The following DGKI variants were observed in gnomAD, a reference collection of about 807,000 sequenced individuals.
DGKI encodes DAG kinase iota.
Under a neutral mutation model 147.5 loss-of-function variants are expected in DGKI, and 55 were observed. That is an observed-to-expected ratio of 0.37 (90% CI 0.30 to 0.47). The LOEUF (loss-of-function observed/expected upper bound fraction) is 0.47, where lower values mean the gene tolerates loss of function less well. Among genes scored for constraint, DGKI ranks in the 20% least tolerant of loss-of-function variants. The pLI, the probability that DGKI is intolerant of heterozygous loss-of-function variation, is 1.00. For missense variants in DGKI, 1,007 were observed against 1,323.8 expected, an observed-to-expected ratio of 0.76 and a Z score of 3.71; for synonymous variants, 469 against 477.1, an observed-to-expected ratio of 0.98 and a Z score of 0.22.
At chr7:137,526,410 G>A (rs943874419) in intron 20 of DGKI, among the ~76,000 whole-genome samples, 6 of 141,074 alleles carry the variant, frequency 4.3e-5, no homozygotes, top group African/African-American at 1.3e-4. Flanking sequence ...TCACTAAGCC[G>A]ACAGGTTTAG....
intron 7 of DGKI, among the ~76,000 whole-genome samples, chr7:137,621,805 G>T (rs1820757424): frequency 6.6e-6 from 1 of 152,172 alleles, no homozygotes; most frequent in South Asian, 2.1e-4. Context: ...ATTGAATCTG[G>T]ATAGACCATC....
chr7:137,534,764 A>G (rs1350570185), intron 20 of DGKI, among the ~76,000 whole-genome samples: 2 of 152,154 alleles, frequency 1.3e-5, no homozygotes, highest in African/African-American at 4.8e-5. Flanking sequence ...TTTATCCAGT[A>G]TGATGCTGTT....
chr7:137,667,809 T>G (rs528299531), intron 3 of DGKI, among the ~76,000 whole-genome samples: 1 of 152,216 alleles, frequency 6.6e-6, no homozygotes, highest in East Asian at 1.9e-4. Context: ...AGTCATTGTT[T>G]ACTCAACACT....
chr7:137,564,864 C>A (rs1028861060), intron 19 of DGKI, among the ~76,000 whole-genome samples: 5 of 152,236 alleles, frequency 3.3e-5, no homozygotes, highest in Non-Finnish European at 5.9e-5. Context: ...AGCTGGCTGG[C>A]CTTCAGCGAC....
chr7:137,410,598 T>C (rs1812126588), intron 29 of DGKI, among the ~76,000 whole-genome samples: 1 of 152,196 alleles, frequency 6.6e-6, no homozygotes, highest in South Asian at 2.1e-4. Context: ...ACATTGCAAA[T>C]GATTCTTTAT....
At chr7:137,503,515 T>G (rs1816257208) in intron 21 of DGKI, among the ~76,000 whole-genome samples, 1 of 152,120 alleles carries the variant, frequency 6.6e-6, no homozygotes, top group Admixed American at 6.6e-5. Context: ...TCCCAAGGAT[T>G]TTTGATGTTG....
chr7:137,453,896 C>G (rs1356365631), intron 27 of DGKI, among the ~76,000 whole-genome samples: 1 of 151,832 alleles, frequency 6.6e-6, no homozygotes, highest in African/African-American at 2.4e-5. Flanking sequence ...CTTGATGACC[C>G]CCATGTGAGC....
At chr7:137,677,916 C>T (rs1386930252) in intron 3 of DGKI, among the ~76,000 whole-genome samples, 2 of 152,198 alleles carry the variant, frequency 1.3e-5, no homozygotes, top group Non-Finnish European at 2.9e-5. Flanking sequence ...CCACAATGCA[C>T]TACTTGGCAA....
intron 15 of DGKI, 99 bp downstream of exon 15, chr7:137,581,751 C>T: frequency 1.0e-6 from 1 of 992,552 alleles, no homozygotes; most frequent in South Asian, 1.5e-5. Flanking sequence ...CACTGAAGCA[C>T]ACTGTAAACG....
At chr7:137,641,362 G>C (rs1216867846) in intron 6 of DGKI, among the ~76,000 whole-genome samples, 3 of 152,270 alleles carry the variant, frequency 2.0e-5, no homozygotes, top group Admixed American at 2.0e-4. Context: ...GTTTAACTAT[G>C]TATTACAGGT....
intron 3 of DGKI, among the ~76,000 whole-genome samples, chr7:137,664,580 T>A (rs922094274): frequency 1.3e-4 from 20 of 152,264 alleles, no homozygotes; most frequent in Admixed American, 1.0e-3. Flanking sequence ...ATAGACTGCG[T>A]AGAGTTAAAA....
At chr7:137,825,609 C>A (rs553049286) in intron 1 of DGKI, among the ~76,000 whole-genome samples, 222 of 152,022 alleles carry the variant, frequency 1.5e-3, no homozygotes, top group Non-Finnish European at 2.7e-3. Flanking sequence ...CACCCCCCAA[C>A]ACACAGACAC....
chr7:137,489,927 C>T (rs1412316534), intron 21 of DGKI, among the ~76,000 whole-genome samples: 1 of 151,968 alleles, frequency 6.6e-6, no homozygotes, highest in Non-Finnish European at 1.5e-5. Flanking sequence ...TTTTAAACTA[C>T]AATTAGAGAT....
At chr7:137,488,262 T>C (rs34551407) in intron 21 of DGKI, among the ~76,000 whole-genome samples, 6,535 of 151,994 alleles carry the variant, frequency 0.043, 144 homozygotes, top group Middle Eastern at 0.095. Context: ...AGGCATAAAA[T>C]GTTAGAAAGA....
chr7:137,829,321 C>T (rs1195423310), intron 1 of DGKI, among the ~76,000 whole-genome samples: 1 of 152,212 alleles, frequency 6.6e-6, no homozygotes, highest in African/African-American at 2.4e-5. Context: ...AGTTCTCTCT[C>T]CTTCCTAGTT....
intron 1 of DGKI, among the ~76,000 whole-genome samples, chr7:137,698,167 CAGAT>C (rs774221379): frequency 4.0e-5 from 6 of 150,060 alleles, no homozygotes; most frequent in Non-Finnish European, 7.4e-5. Flanking sequence ...TATATATCTC[CAGAT>C]AGATAGATAT....
intron 21 of DGKI, among the ~76,000 whole-genome samples, chr7:137,491,146 C>T (rs73447307): frequency 0.051 from 7,798 of 152,200 alleles, 669 homozygotes; most frequent in African/African-American, 0.18. Context: ...CTGCAAAACC[C>T]TCAAAAGGCT....
intron 21 of DGKI, among the ~76,000 whole-genome samples, chr7:137,498,660 A>G (rs1816058120): frequency 6.6e-6 from 1 of 152,198 alleles, no homozygotes; most frequent in African/African-American, 2.4e-5. Flanking sequence ...ACTTTTACAG[A>G]TAACCCAAAC....
chr7:137,610,551 C>A (rs1820329893), intron 8 of DGKI, among the ~76,000 whole-genome samples: 1 of 152,146 alleles, frequency 6.6e-6, no homozygotes, highest in Admixed American at 6.5e-5. Context: ...AGACTGCTAT[C>A]TTTAAAAGGC....
Sources: gnomAD v4.1 joint callset for allele counts (sites outside exome capture counted in the v4.1 genomes callset) on GRCh38, gnomAD v4.1.1 for gene constraint, MANE v1.5 for transcripts, NCBI Gene and HGNC (gene_info 2026-07-23, HGNC 2026-07-21) for gene names.